HDGF: variants seen among roughly 807,000 people sequenced by gnomAD.
The protein encoded by HDGF is hepatoma-derived growth factor.
Under a neutral mutation model 30.0 loss-of-function variants are expected in HDGF, and 5 were observed. The observed-to-expected ratio is 0.17, with a 90% CI of 0.09 to 0.35. HDGF has a LOEUF of 0.35. Ranked by LOEUF, HDGF falls within the 10% of genes least tolerant of loss-of-function variation. HDGF has a pLI of 1.00. For synonymous variants in HDGF, 133 were observed against 112.7 expected (o/e 1.18, Z -1.14); for missense variants, 214 against 302.8 (o/e 0.71, Z 2.18).
At chr1:156,760,500 G>A (rs1304247885) in intron 1 of HDGF, among the ~76,000 whole-genome samples, 1 of 152,236 alleles carries the variant, frequency 6.6e-6, no homozygotes, top group Admixed American at 6.5e-5. Flanking sequence ...GGGACTGAAA[G>A]GCTGTTTCTG....
Position 156,751,312 on chromosome 1 carries a change from G to A in HDGF, c.87+31C>T. The A allele has an allele frequency of 6.3e-7, 1 of 1,598,552 alleles. No homozygotes were observed. The highest frequency in any genetic ancestry group is 8.5e-7 in the Non-Finnish European group (1 of 1,171,670). Reference sequence around the variant, plus strand: ...GTGTTATGCAACCCAAGCCCGCAGGGGGTTAGGGGGCGGCGGGCCGCGCTG... The same window carrying A: ...GTGTTATGCAACCCAAGCCCGCAGGAGGTTAGGGGGCGGCGGGCCGCGCTG... On this transcript the variant is annotated intron_variant, in intron 1 of 5. Coordinates refer to ENST00000357325, the MANE Select transcript of HDGF (RefSeq NM_004494.3). This position sits in a 1 kb window ranked among gnomAD's most constrained non-coding sequence, Gnocchi z 4.7.
chr1:156,746,649 C>G (rs1650568314), intron 1 of HDGF, among the ~76,000 whole-genome samples: 1 of 152,118 alleles, frequency 6.6e-6, no homozygotes, highest in Non-Finnish European at 1.5e-5. Context: ...GCAGTGGCCT[C>G]GCCAGCCTCT....
intron 1 of HDGF, among the ~76,000 whole-genome samples, chr1:156,763,128 T>G (rs1424930548): frequency 2.0e-5 from 3 of 152,214 alleles, no homozygotes; most frequent in African/African-American, 7.2e-5. Flanking sequence ...AAATGATCTT[T>G]AATGCCTTTA....
At chr1:156,756,793 C>CTT (rs558782106), upstream of HDGF, among the ~76,000 whole-genome samples, 6,647 of 122,384 alleles carry the variant, frequency 0.054, 344 homozygotes, top group African/African-American at 0.11. Flanking sequence ...AAAAGGTGGT[C>CTT]TTTTTTTTTT....
chr1:156,743,118 C>T lies in HDGF; in HGVS notation c.*331G>A. 3.6e-6 allele frequency: 1 copy of T among 276,076 alleles called. No individual in the cohort carries two copies. The highest frequency in any genetic ancestry group is 6.8e-6 in the Non-Finnish European group (1 of 146,750). 17.1% of individuals were successfully genotyped at this position (276,076 alleles called of 1,614,324 possible). A position where few individuals can be genotyped will look rare whatever the true frequency, so the allele number is the denominator to read the frequency against. On this transcript the variant is annotated 3_prime_UTR_variant, in exon 6 of 6. Coordinates refer to ENST00000357325, the MANE Select transcript of HDGF (RefSeq NM_004494.3). ...GCCTAGGAGAGTGGGAGAAGGGTGTCAGGAGGTGGGAGCAGTTGTCCCAGG... is the reference window on the plus strand; with the variant it reads ...GCCTAGGAGAGTGGGAGAAGGGTGTTAGGAGGTGGGAGCAGTTGTCCCAGG...
chr1:156,743,607 G>T, intron 5 of HDGF, 45 bp downstream of exon 5: 1 of 1,555,742 alleles, frequency 6.4e-7, no homozygotes, highest in Non-Finnish European at 8.9e-7. Flanking sequence ...GAGAGTGGCC[G>T]GTCCCCCCTA....
chr1:156,749,383 G>C (rs1308415265), intron 1 of HDGF, among the ~76,000 whole-genome samples: 1 of 152,212 alleles, frequency 6.6e-6, no homozygotes, highest in Admixed American at 6.5e-5. Flanking sequence ...GAGGAGACTC[G>C]AGGTCTGTTC....
chr1:156,745,432 G>A (rs1481052987), intron 1 of HDGF, 59 bp from the exon 2 acceptor site: 1 of 1,440,944 alleles, frequency 6.9e-7, no homozygotes, highest in Non-Finnish European at 9.7e-7. Context: ...GCCTGAGGCA[G>A]GGGTGCTGAC....
chr1:156,746,841 G>A (rs1458220148), intron 1 of HDGF, among the ~76,000 whole-genome samples: 1 of 152,208 alleles, frequency 6.6e-6, no homozygotes, highest in Non-Finnish European at 1.5e-5. Flanking sequence ...AGGAGAGACA[G>A]AAAGGCCAAG....
intron 2 of HDGF, among the ~76,000 whole-genome samples, chr1:156,758,408 G>T (rs918828780): frequency 6.6e-6 from 1 of 151,874 alleles, no homozygotes; most frequent in Non-Finnish European, 1.5e-5. Context: ...TGGCTAACAC[G>T]GTGAAACTCC....
At chr1:156,744,692 G>A in intron 3 of HDGF, 2 of 606,496 alleles carry the variant, frequency 3.3e-6, no homozygotes, top group East Asian at 3.6e-5. Flanking sequence ...ACCTCCTCCT[G>A]GAAGCCTTTG....
chr1:156,745,332 G>C lies in HDGF; in HGVS notation c.129C>G (p.Asn43Lys). The change falls in exon 2 of 6, where the codon AAC becomes AAG. Residue 43 changes from asparagine (N) to lysine (K), a missense_variant. By Grantham distance (94) the Asn-to-Lys change is moderately conservative. Transcript: ENST00000357325. ...TCCCGAAAAAAAAGACTTGGTATTT[G>C]TTGGCTGTTGATTTCACGGCAGCCT... ...MPEAAVKSTA[N>K]KYQVFFFGTH... The C allele has an allele frequency of 1.2e-6, 2 of 1,613,954 alleles. No homozygotes were observed. The highest frequency in any genetic ancestry group is 1.7e-6 in the Non-Finnish European group (2 of 1,180,000).
intron 1 of HDGF, among the ~76,000 whole-genome samples, chr1:156,746,412 G>A (rs914651489): frequency 2.6e-5 from 4 of 152,334 alleles, no homozygotes; most frequent in Non-Finnish European, 1.5e-5. Context: ...TCCAACGCCC[G>A]CCAAAAGGCT....
intron 1 of HDGF, among the ~76,000 whole-genome samples, chr1:156,745,903 G>A (rs188027718): frequency 6.6e-6 from 1 of 152,288 alleles, no homozygotes; most frequent in Non-Finnish European, 1.5e-5. Flanking sequence ...CTGTAAAAGG[G>A]AGACAGTCAT....
intron 1 of HDGF, among the ~76,000 whole-genome samples, chr1:156,745,684 T>C (rs962939162): frequency 1.3e-5 from 2 of 152,210 alleles, no homozygotes; most frequent in African/African-American, 4.8e-5. Flanking sequence ...CCACAATCTA[T>C]TCTCCACAAT....
At chr1:156,753,707 C>G (rs183979182), upstream of HDGF, among the ~76,000 whole-genome samples, 11 of 151,634 alleles carry the variant, frequency 7.3e-5, no homozygotes, top group Admixed American at 3.3e-4. Flanking sequence ...TGTGCCACCA[C>G]GCCCGGCTAA....
intron 1 of HDGF, among the ~76,000 whole-genome samples, chr1:156,760,136 T>C (rs1471610362): frequency 6.6e-6 from 1 of 152,238 alleles, no homozygotes; most frequent in Non-Finnish European, 1.5e-5. Context: ...CCCACCATTC[T>C]GTACAGCCAC....
intron 1 of HDGF, among the ~76,000 whole-genome samples, chr1:156,763,588 CTTTTTT>C (rs1263248247): frequency 7.3e-6 from 1 of 137,238 alleles, no homozygotes; most frequent in African/African-American, 2.7e-5. Flanking sequence ...TTACAAATTT[CTTTTTT>C]TTTTTTTTTG....
intron 1 of HDGF, among the ~76,000 whole-genome samples, chr1:156,765,313 G>A (rs915135258): frequency 3.4e-5 from 5 of 147,260 alleles, no homozygotes; most frequent in Admixed American, 2.7e-4. Context: ...GGCTGGTCTC[G>A]AAGTCCCAAT....
Sources: gnomAD v4.1 joint callset for allele counts (sites outside exome capture counted in the v4.1 genomes callset) on GRCh38, gnomAD v4.1.1 for gene constraint, Gnocchi (gnomAD v3.1) non-coding constraint, MANE v1.5 for transcripts, NCBI Gene and HGNC (gene_info 2026-07-23, HGNC 2026-07-21) for gene names.